ANKS1B: variants seen among roughly 807,000 people sequenced by gnomAD.
ANKS1B encodes the protein ankyrin repeat and sterile alpha motif domain-containing protein 1B.
In ANKS1B, 36 loss-of-function variants were observed where a neutral mutation model predicts 148.3. That is an observed-to-expected ratio of 0.24 (90% CI 0.19 to 0.32). The LOEUF (loss-of-function observed/expected upper bound fraction) is 0.32. Among genes scored for constraint, ANKS1B ranks in the 10% least tolerant of loss-of-function variants. ANKS1B has a pLI of 1.00. For missense variants in ANKS1B, 1,157 were observed against 1,542.6 expected, an observed-to-expected ratio of 0.75 and a Z score of 4.19; for synonymous variants, 542 against 560.8, an observed-to-expected ratio of 0.97 and a Z score of 0.47.
chr12:99,122,050 T>C (rs555927119), intron 15 of ANKS1B, among the ~76,000 whole-genome samples: 45 of 152,326 alleles, frequency 3.0e-4, no homozygotes, highest in Non-Finnish European at 5.1e-4. Flanking sequence ...AAATACACTA[T>C]TTGGAGTCAG....
intron 17 of ANKS1B, among the ~76,000 whole-genome samples, chr12:98,957,192 A>AT (rs962977673): frequency 6.6e-6 from 1 of 151,918 alleles, no homozygotes; most frequent in Non-Finnish European, 1.5e-5. Context: ...CTTTTCCTGG[A>AT]TTTTTCCCAT....
At chr12:99,094,070 T>C (rs560420108) in intron 15 of ANKS1B, among the ~76,000 whole-genome samples, 2 of 152,228 alleles carry the variant, frequency 1.3e-5, no homozygotes, top group African/African-American at 2.4e-5. Flanking sequence ...GCAGGCATTG[T>C]CATTCATTCA....
intron 8 of ANKS1B, among the ~76,000 whole-genome samples, chr12:99,754,884 C>G (rs192240858): frequency 8.5e-5 from 13 of 152,052 alleles, no homozygotes; most frequent in Non-Finnish European, 1.3e-4. Flanking sequence ...TAAATGCCCA[C>G]GTCAAAAAGT....
chr12:98,813,926 G>A (rs1039017144), intron 19 of ANKS1B, among the ~76,000 whole-genome samples: 3 of 151,424 alleles, frequency 2.0e-5, no homozygotes, highest in African/African-American at 7.3e-5. Flanking sequence ...TGTCACCCAG[G>A]CTGGAGTGCA....
chr12:99,438,022 T>A (rs1372220963), intron 11 of ANKS1B, among the ~76,000 whole-genome samples: 1 of 151,966 alleles, frequency 6.6e-6, no homozygotes, highest in African/African-American at 2.4e-5. Flanking sequence ...TTCTCCTCTA[T>A]CTTCCTGGAA....
rs143802861 is a variant in ANKS1B at position 99,322,443 on chromosome 12, T to A, written c.1757-75579A>T. ...CACACGTATACTCATGTAACAAACC[T>A]GCACACTCTGTATATGTATCCTGGA... is the stretch of plus-strand genomic sequence containing the variant. On this transcript the variant is annotated intron_variant, in intron 12 of 26. Transcript: ENST00000683438. Among the ~76,000 whole-genome samples, 21 of 141,100 alleles carry A rather than the reference T, an allele frequency of 1.5e-4. No individual in the cohort carries two copies. The East Asian group carries it at 3.9e-3, about 27-fold the overall frequency. The allele number at this position is 141,100 out of a possible 152,430, so 92.6% of individuals were successfully genotyped here. A position where few individuals can be genotyped will look rare whatever the true frequency, so the allele number is the denominator to read the frequency against.
chr12:99,419,331 G>T (rs1166265915), intron 11 of ANKS1B, among the ~76,000 whole-genome samples: 1 of 152,112 alleles, frequency 6.6e-6, no homozygotes, highest in Non-Finnish European at 1.5e-5. Flanking sequence ...TGGGTAAATT[G>T]TGGTAGTTTG....
intron 16 of ANKS1B, among the ~76,000 whole-genome samples, chr12:99,084,407 A>G (rs577382980): frequency 6.6e-6 from 1 of 152,238 alleles, no homozygotes; most frequent in East Asian, 1.9e-4. Context: ...TGTTTTCTGT[A>G]TCACATTTTT....
At chr12:98,878,580 C>A (rs1314709615) in intron 17 of ANKS1B, among the ~76,000 whole-genome samples, 1 of 151,992 alleles carries the variant, frequency 6.6e-6, no homozygotes, top group Non-Finnish European at 1.5e-5. Flanking sequence ...TCAGAGGACA[C>A]CATAGATAGG....
intron 19 of ANKS1B, among the ~76,000 whole-genome samples, chr12:98,815,810 C>A (rs1258582070): frequency 6.6e-6 from 1 of 152,206 alleles, no homozygotes; most frequent in African/African-American, 2.4e-5. Flanking sequence ...AAGCTACTCC[C>A]TTTTCTCGTT....
Position 99,164,644 on chromosome 12 carries a change from A to G in ANKS1B, c.2420-10249T>C, listed in dbSNP as rs1323169917. Among the ~76,000 whole-genome samples the G allele has an allele frequency of 2.6e-5, 4 of 152,184 alleles. No individual in the cohort carries two copies. The South Asian group carries it at 8.3e-4, about 32-fold the overall frequency. On this transcript the variant is annotated intron_variant, in intron 14 of 26. Transcript: ENST00000683438. Reference sequence around the variant, plus strand: ...GCTCTATATCCTTCATACTCCAGTAAAATTAGACCCTCAGAATGTTTTCCT... The same window carrying G: ...GCTCTATATCCTTCATACTCCAGTAGAATTAGACCCTCAGAATGTTTTCCT...
chr12:99,923,120 T>C (rs1392765792), intron 1 of ANKS1B, among the ~76,000 whole-genome samples: 1 of 152,146 alleles, frequency 6.6e-6, no homozygotes, highest in Non-Finnish European at 1.5e-5. Context: ...TGGGGAATGG[T>C]AACTCACCTA....
At chr12:98,748,168 A>C (rs2097947641) in intron 26 of ANKS1B, among the ~76,000 whole-genome samples, 1 of 152,220 alleles carries the variant, frequency 6.6e-6, no homozygotes, top group Non-Finnish European at 1.5e-5. Flanking sequence ...TGATCATTAC[A>C]TATTGTATAC....
chr12:99,391,767 T>C (rs2094080323), intron 12 of ANKS1B, among the ~76,000 whole-genome samples: 1 of 152,204 alleles, frequency 6.6e-6, no homozygotes, highest in Admixed American at 6.5e-5. Flanking sequence ...TCTCGTAACC[T>C]GTACCTTGCC....
At chr12:99,777,693 TC>T (rs2063795605) in intron 6 of ANKS1B, among the ~76,000 whole-genome samples, 1 of 152,136 alleles carries the variant, frequency 6.6e-6, no homozygotes, top group East Asian at 2.0e-4. Flanking sequence ...CACGCCATTC[TC>T]CTGCCTCAGC....
At position 98,867,601 on chromosome 12, in the gene ANKS1B, C is replaced by T. The variant is rs185294349; in HGVS notation, c.2779-35465G>A. Among the ~76,000 whole-genome samples, 3 of 152,284 alleles carry T rather than the reference C, an allele frequency of 2.0e-5. No homozygotes were observed. The East Asian group carries it at 5.8e-4, about 29-fold the overall frequency. On this transcript the variant is annotated intron_variant, in intron 17 of 26. Transcript: ENST00000683438. The stretch of plus-strand genomic sequence containing the variant: ...GTTTGTCGGGCGCAGTGGCTCACGC[C>T]TGTAGTCCCAGCACTTTGGGAGGCT...
chr12:99,439,875 G>A (rs944629658), intron 11 of ANKS1B, among the ~76,000 whole-genome samples: 3 of 151,644 alleles, frequency 2.0e-5, no homozygotes, highest in African/African-American at 7.3e-5. Context: ...GGTAAACAAT[G>A]GGAAACAACG....
intron 16 of ANKS1B, among the ~76,000 whole-genome samples, chr12:99,063,297 C>T (rs1202736268): frequency 1.3e-5 from 2 of 152,200 alleles, no homozygotes; most frequent in Non-Finnish European, 2.9e-5. Context: ...CTAGACTCTT[C>T]TGCTCTGTCC....
At chr12:99,189,151 G>A (rs1360322263) in intron 14 of ANKS1B, among the ~76,000 whole-genome samples, 7 of 152,188 alleles carry the variant, frequency 4.6e-5, no homozygotes, top group Middle Eastern at 3.4e-3. Context: ...GGAAGAAGTC[G>A]AATCCCTGAA....
Sources: gnomAD v4.1 joint callset for allele counts (sites outside exome capture counted in the v4.1 genomes callset) on GRCh38, gnomAD v4.1.1 for gene constraint, MANE v1.5 for transcripts, NCBI Gene and HGNC (gene_info 2026-07-23, HGNC 2026-07-21) for gene names.